NTAQ1: variants seen among roughly 807,000 people sequenced by gnomAD.
NTAQ1 encodes N-terminal glutamine amidase 1.
In NTAQ1, 21 loss-of-function variants were observed where a neutral mutation model predicts 28.2. The ratio of observed to expected loss-of-function variants is 0.74; its 90% CI spans 0.53 to 1.07. The LOEUF is 1.07. Ranked by LOEUF, NTAQ1 falls within the 50% of genes least tolerant of loss-of-function variation. The pLI, the probability that NTAQ1 is intolerant of heterozygous loss-of-function variation, is 0.00. For synonymous variants in NTAQ1, 105 were observed against 90.0 expected, an observed-to-expected ratio of 1.17 and a Z score of -0.94; for missense variants, 264 against 256.6, an observed-to-expected ratio of 1.03 and a Z score of -0.20.
chr8:123,437,515 A>G (rs966905009), intron 5 of NTAQ1, among the ~76,000 whole-genome samples, 181 bp downstream of exon 5: 4 of 152,170 alleles, frequency 2.6e-5, no homozygotes. Flanking sequence ...CATCCTGGCT[A>G]ACACGGTGAA....
rs557120352 is a variant in NTAQ1 at position 123,464,022 on chromosome 8, C to T, written c.373-3057C>T. Among the ~76,000 whole-genome samples, 54 of 152,266 alleles carry T rather than the reference C, an allele frequency of 3.5e-4. 1 individual carries two copies. The South Asian group carries it at 6.2e-3, about 18-fold the overall frequency. The stretch of plus-strand genomic sequence containing the variant: ...CCCCCGCACATGCTGTCTTGCCTGC[C>T]GCCATGTTAAGACGTGACTTTGCTT... On this transcript the variant is annotated intron_variant, in intron 6 of 6. Coordinates refer to the NTAQ1 transcript ENST00000650311.
chr8:123,448,571 A>G (rs1815370593), downstream of NTAQ1, among the ~76,000 whole-genome samples: 1 of 152,214 alleles, frequency 6.6e-6, no homozygotes, highest in African/African-American at 2.4e-5. Context: ...GTGAGCCAAG[A>G]TTGCACCACT....
At chr8:123,436,425 G>A in intron 3 of NTAQ1, 28 bp from the exon 4 acceptor site, 2 of 1,607,212 alleles carry the variant, frequency 1.2e-6, no homozygotes, top group South Asian at 1.1e-5. Context: ...GAAGTAACTT[G>A]GTTAACTTCA....
At position 123,416,826 on chromosome 8, in the gene NTAQ1, G is replaced by A; in HGVS notation, c.-24G>A. On this transcript the variant is annotated 5_prime_UTR_variant, in exon 1 of 6. Transcript: ENST00000287387. ...GGTCCAGTCGGTCTTCCTCCGGCCC[G>A]GGCCCTGGCCCAGCTAGCCGGCCAT... 2.6e-6 allele frequency: 4 copies of A among 1,521,658 alleles called. No homozygotes were observed. Among genetic ancestry groups the A allele is most frequent in the Non-Finnish European group, 2.6e-6 (3 of 1,135,496 alleles). 94.3% of individuals were successfully genotyped at this position (1,521,658 alleles called of 1,614,324 possible).
At chr8:123,465,727 G>A (rs1280567800) in intron 6 of NTAQ1, among the ~76,000 whole-genome samples, 3 of 151,570 alleles carry the variant, frequency 2.0e-5, no homozygotes, top group Admixed American at 6.6e-5. Flanking sequence ...GATTACAGGC[G>A]CCCGCCACCA....
At chr8:123,422,112 A>G (rs201503196) in intron 1 of NTAQ1, among the ~76,000 whole-genome samples, 1 of 116,892 alleles carries the variant, frequency 8.6e-6, no homozygotes, top group East Asian at 3.0e-4. Context: ...CACTGTGCCT[A>G]TCTGCTTTTG....
At chr8:123,424,983 T>C (rs1813955993) in intron 1 of NTAQ1, among the ~76,000 whole-genome samples, 1 of 152,200 alleles carries the variant, frequency 6.6e-6, no homozygotes, top group Admixed American at 6.5e-5. Context: ...AAAACTTGTA[T>C]AAGCCAGAGA....
chr8:123,431,807 T>C lies in NTAQ1; in HGVS notation c.234+1774T>C, dbSNP rs1191449188. ...AGGTAATGCACAGGAAGCATCTTCCTGGTGTCTGCTACTGGTACTCAGGAA... is the reference window on the plus strand; with the variant it reads ...AGGTAATGCACAGGAAGCATCTTCCCGGTGTCTGCTACTGGTACTCAGGAA... On this transcript the variant is annotated intron_variant, in intron 3 of 5. Coordinates refer to ENST00000287387, the MANE Select transcript of NTAQ1 (RefSeq NM_018024.3). Among the ~76,000 whole-genome samples, 4 of 152,238 alleles carry C rather than the reference T, an allele frequency of 2.6e-5. No homozygotes were observed. In the East Asian group the frequency reaches 7.7e-4, roughly 29 times the overall value.
chr8:123,440,990 TCATGAAGTTTCGTTC>T (rs1020414687), intron 5 of NTAQ1, among the ~76,000 whole-genome samples: 67 of 152,240 alleles, frequency 4.4e-4, no homozygotes, highest in African/African-American at 1.5e-3. Flanking sequence ...TTCCCTGGCC[TCATGAAGTTTCGTTC>T]CATAGAAGAG....
downstream of NTAQ1, among the ~76,000 whole-genome samples, chr8:123,444,002 T>C (rs1815175751): frequency 6.6e-6 from 1 of 152,120 alleles, no homozygotes; most frequent in Admixed American, 6.6e-5. Flanking sequence ...TTATCGGGCT[T>C]AGGAACTGTT....
chr8:123,422,855 G>T (rs1286616798), intron 1 of NTAQ1, among the ~76,000 whole-genome samples: 1 of 152,048 alleles, frequency 6.6e-6, no homozygotes, highest in Non-Finnish European at 1.5e-5. Context: ...TCAATCTTCT[G>T]CATATGGTTA....
intron 3 of NTAQ1, 126 bp downstream of exon 3, chr8:123,430,159 G>A: frequency 1.8e-6 from 1 of 565,628 alleles, no homozygotes; most frequent in Non-Finnish European, 3.1e-6. Context: ...TTAATAAATT[G>A]ACCTTTTGAG....
Position 123,468,509 on chromosome 8 carries a change from A to G in NTAQ1, c.*1359A>G, listed in dbSNP as rs537129029. 5.9e-5 allele frequency among the ~76,000 whole-genome samples: 9 copies of G among 152,328 alleles called. No homozygotes were observed. The South Asian group carries it at 1.9e-3, about 32-fold the overall frequency. ...ACTTAGCTTAATGTCCTCCAGTTTC[A>G]TTCATGTTATAGTGTATGATAGGAT... On this transcript the variant is annotated 3_prime_UTR_variant, in exon 7 of 7. Coordinates refer to the NTAQ1 transcript ENST00000650311.
chr8:123,466,056 G>A (rs1815954271), intron 6 of NTAQ1, among the ~76,000 whole-genome samples: 1 of 152,202 alleles, frequency 6.6e-6, no homozygotes, highest in Admixed American at 6.5e-5. Context: ...GGAAGCCAAA[G>A]AGTGAAGTCT....
At chr8:123,433,835 C>T in intron 3 of NTAQ1, among the ~76,000 whole-genome samples, 1 of 152,188 alleles carries the variant, frequency 6.6e-6, no homozygotes, top group East Asian at 1.9e-4. Flanking sequence ...TAACCTGCAG[C>T]CTATGGGCTG....
chr8:123,472,674 C>A (rs1356834144), downstream of NTAQ1, among the ~76,000 whole-genome samples: 1 of 152,184 alleles, frequency 6.6e-6, no homozygotes, highest in Non-Finnish European at 1.5e-5. Flanking sequence ...TCCAGCATGA[C>A]TTTATTTTAA....
intron 6 of NTAQ1, among the ~76,000 whole-genome samples, chr8:123,457,630 T>C (rs1815686719): frequency 6.6e-6 from 1 of 152,224 alleles, no homozygotes; most frequent in Non-Finnish European, 1.5e-5. Flanking sequence ...TAATATTGGT[T>C]GCTTCTGAGA....
intron 1 of NTAQ1, among the ~76,000 whole-genome samples, chr8:123,423,836 G>A (rs762476662): frequency 6.6e-6 from 1 of 151,808 alleles, no homozygotes. Context: ...AGTGGTGCTT[G>A]TGGTATCTGT....
chr8:123,448,674 C>T (rs941109056), downstream of NTAQ1, among the ~76,000 whole-genome samples: 10 of 152,176 alleles, frequency 6.6e-5, no homozygotes, highest in Admixed American at 2.0e-4. Flanking sequence ...GCAGACTGCC[C>T]CCTTAGTGTC....
Sources: allele counts gnomAD v4.1 joint callset (sites outside exome capture counted in the v4.1 genomes callset), GRCh38; gene constraint gnomAD v4.1.1; transcripts MANE v1.5; gene names NCBI Gene and HGNC (gene_info 2026-07-23, HGNC 2026-07-21).